Variants in HHAT observed in about 807,000 individuals in gnomAD.
HHAT encodes the protein protein-cysteine N-palmitoyltransferase HHAT.
A neutral mutation model predicts 70.8 loss-of-function variants in HHAT; 47 were observed. That is an observed-to-expected ratio of 0.66 (90% CI 0.53 to 0.85). The LOEUF (loss-of-function observed/expected upper bound fraction) is 0.85. Ranked by LOEUF, HHAT falls within the 40% of genes least tolerant of loss-of-function variation. HHAT has a pLI of 0.00. For missense variants in HHAT, 609 were observed against 604.8 expected, an observed-to-expected ratio of 1.01 and a Z score of -0.07; for synonymous variants, 228 against 247.6, an observed-to-expected ratio of 0.92 and a Z score of 0.74.
intron 7 of HHAT, among the ~76,000 whole-genome samples, chr1:210,437,285 G>A (rs113513138): frequency 0.01 from 1,594 of 152,024 alleles, 71 homozygotes; most frequent in African/African-American, 0.037. Context: ...GCTACAAAGT[G>A]AGGTCATTAG....
intron 9 of HHAT, among the ~76,000 whole-genome samples, chr1:210,561,301 G>A (rs1446018066): frequency 6.6e-6 from 1 of 152,174 alleles, no homozygotes; most frequent in African/African-American, 2.4e-5. Flanking sequence ...TTAAATATGA[G>A]CAGGGTACTT....
chr1:210,618,195 C>T (rs1423200533), intron 10 of HHAT, among the ~76,000 whole-genome samples: 1 of 152,158 alleles, frequency 6.6e-6, no homozygotes, highest in South Asian at 2.1e-4. Flanking sequence ...GGACATGGGC[C>T]TTGGAATGAC....
intron 8 of HHAT, among the ~76,000 whole-genome samples, chr1:210,494,362 C>G (rs2094597608): frequency 6.6e-6 from 1 of 151,986 alleles, no homozygotes; most frequent in Admixed American, 6.6e-5. Context: ...CTGGATATAT[C>G]TCAAAGTAGA....
At chr1:210,429,500 T>C (rs917597793) in intron 7 of HHAT, among the ~76,000 whole-genome samples, 4 of 151,914 alleles carry the variant, frequency 2.6e-5, no homozygotes, top group African/African-American at 9.7e-5. Context: ...CTTTTTAAAA[T>C]TGCGTTATTC....
chr1:210,671,511 A>G (rs1039412629), intron 11 of HHAT, among the ~76,000 whole-genome samples: 17 of 152,220 alleles, frequency 1.1e-4, no homozygotes, highest in Middle Eastern at 3.2e-3. Flanking sequence ...TAGGTTCTTT[A>G]TGGATATAAC....
At chr1:210,448,321 A>G (rs932319023) in intron 7 of HHAT, among the ~76,000 whole-genome samples, 5 of 152,098 alleles carry the variant, frequency 3.3e-5, no homozygotes, top group African/African-American at 1.2e-4. Context: ...ACCTCAGGTG[A>G]TCTGCACACC....
intron 8 of HHAT, among the ~76,000 whole-genome samples, chr1:210,506,391 T>C (rs1446855669): frequency 1.3e-5 from 2 of 152,186 alleles, no homozygotes; most frequent in Non-Finnish European, 2.9e-5. Context: ...AGGTCATCCA[T>C]TCCAGTTTTT....
At chr1:210,638,626 A>G (rs1262186538) in intron 11 of HHAT, among the ~76,000 whole-genome samples, 2 of 149,890 alleles carry the variant, frequency 1.3e-5, no homozygotes, top group Non-Finnish European at 2.9e-5. Flanking sequence ...TATGCCCATA[A>G]TCTTAGCACT....
chr1:210,488,577 G>A (rs1009062628), intron 8 of HHAT, among the ~76,000 whole-genome samples: 1 of 152,140 alleles, frequency 6.6e-6, no homozygotes, highest in Non-Finnish European at 1.5e-5. Flanking sequence ...TTATTCATTC[G>A]ATGAATGAAT....
At chr1:210,482,004 A>G (rs906460611) in intron 8 of HHAT, among the ~76,000 whole-genome samples, 170 of 152,236 alleles carry the variant, frequency 1.1e-3, no homozygotes, top group African/African-American at 3.9e-3. Flanking sequence ...GAGTGGCAGG[A>G]GACGAGGGTG....
intron 7 of HHAT, among the ~76,000 whole-genome samples, chr1:210,444,637 G>C (rs1490036592): frequency 6.6e-6 from 1 of 152,004 alleles, no homozygotes; most frequent in East Asian, 1.9e-4. Flanking sequence ...ATTGCGTAGA[G>C]GTGTTTGTAG....
chr1:210,419,447 T>A (rs2092826714), intron 7 of HHAT, among the ~76,000 whole-genome samples: 1 of 152,154 alleles, frequency 6.6e-6, no homozygotes, highest in Non-Finnish European at 1.5e-5. Context: ...TAAAATCTCT[T>A]CACTTCCTTG....
intron 6 of HHAT, among the ~76,000 whole-genome samples, chr1:210,410,785 C>G (rs955987296): frequency 6.6e-6 from 1 of 152,062 alleles, no homozygotes; most frequent in South Asian, 2.1e-4. Context: ...CTTGGCCTCC[C>G]TAAGTGCTGG....
intron 11 of HHAT, among the ~76,000 whole-genome samples, chr1:210,625,777 G>A (rs1669719472): frequency 6.6e-6 from 1 of 152,220 alleles, no homozygotes; most frequent in Non-Finnish European, 1.5e-5. Flanking sequence ...GTGACTCCAG[G>A]ACCTAGAATC....
intron 1 of HHAT, among the ~76,000 whole-genome samples, chr1:210,335,238 A>G (rs1396075503): frequency 1.3e-5 from 2 of 152,122 alleles, no homozygotes; most frequent in African/African-American, 4.8e-5. Context: ...AACACTACGA[A>G]AGTCAACAAA....
At chr1:210,604,671 G>T (rs984818555) in intron 10 of HHAT, among the ~76,000 whole-genome samples, 3 of 152,092 alleles carry the variant, frequency 2.0e-5, no homozygotes, top group Non-Finnish European at 4.4e-5. Flanking sequence ...GAGCAGGACG[G>T]ATTCACCCTA....
intron 9 of HHAT, among the ~76,000 whole-genome samples, chr1:210,525,763 G>A (rs1021258360): frequency 6.6e-6 from 1 of 152,102 alleles, no homozygotes; most frequent in Non-Finnish European, 1.5e-5. Flanking sequence ...ATTAAAAAGA[G>A]CCCCTGGTGA....
chr1:210,460,249 G>A (rs2093951975), intron 7 of HHAT, among the ~76,000 whole-genome samples: 1 of 152,188 alleles, frequency 6.6e-6, no homozygotes, highest in Non-Finnish European at 1.5e-5. Flanking sequence ...GGAGTGGCAA[G>A]GTCACATTGC....
intron 8 of HHAT, among the ~76,000 whole-genome samples, chr1:210,494,091 G>A (rs916624208): frequency 2.0e-5 from 3 of 152,146 alleles, no homozygotes; most frequent in Admixed American, 2.0e-4. Context: ...GCTCACTCTT[G>A]GCTTAAAGGC....
Sources: gnomAD v4.1 joint callset for allele counts (sites outside exome capture counted in the v4.1 genomes callset) on GRCh38, gnomAD v4.1.1 for gene constraint, MANE v1.5 for transcripts, NCBI Gene and HGNC (gene_info 2026-07-23, HGNC 2026-07-21) for gene names.